APBA2: variants seen among roughly 807,000 people sequenced by gnomAD.
The protein encoded by APBA2 is amyloid beta precursor protein binding family A member 2, also known as amyloid-beta A4 precursor protein-binding family A member 2.
A neutral mutation model predicts 75.0 loss-of-function variants in APBA2; 30 were observed. The ratio of observed to expected loss-of-function variants is 0.40; its 90% confidence interval spans 0.30 to 0.54. The LOEUF is 0.54. Among genes scored for constraint, APBA2 ranks in the 20% least tolerant of loss-of-function variants. APBA2 has a pLI of 0.49. For synonymous variants in APBA2, 444 were observed against 409.6 expected (o/e 1.08, Z -1.01); for missense variants, 801 against 1,016.1 (o/e 0.79, Z 2.88).
intron 6 of APBA2, 121 bp downstream of exon 6, chr15:29,076,212 A>G: frequency 9.2e-7 from 1 of 1,088,966 alleles, no homozygotes; most frequent in Middle Eastern, 2.1e-4. Context: ...ACCTACCAGC[A>G]AGGTGCTTGG....
intron 13 of APBA2, chr15:29,108,619 C>A: frequency 1.6e-6 from 1 of 637,436 alleles, no homozygotes; most frequent in Non-Finnish European, 2.7e-6. Context: ...CCCCTCCAGC[C>A]TTTCCCAGGC....
At chr15:28,922,737 C>T (rs2034040987) in intron 2 of APBA2, among the ~76,000 whole-genome samples, 1 of 152,190 alleles carries the variant, frequency 6.6e-6, no homozygotes, top group Non-Finnish European at 1.5e-5. Flanking sequence ...TGCTCCACAC[C>T]CTCTCTCAGG....
rs1217694586 is a variant in APBA2, at chr15:29,076,100, C to T, written c.1069+9C>T. The T allele has an allele frequency of 6.2e-7, 1 of 1,613,882 alleles. No individual in the cohort carries two copies. The highest frequency in any genetic ancestry group is 2.2e-5 in the East Asian group (1 of 44,890). Reference sequence around the variant, plus strand: ...TCCAAGTTTTGTGGCTGGTAAGTGACTTTGAATTTTATTTCTCAAGGGGCA... The same window carrying T: ...TCCAAGTTTTGTGGCTGGTAAGTGATTTTGAATTTTATTTCTCAAGGGGCA... On this transcript the variant is annotated intron_variant, in intron 6 of 14. Transcript: ENST00000683413.
At chr15:28,904,284 A>G (rs571377834) in intron 1 of APBA2, among the ~76,000 whole-genome samples, 19 of 152,238 alleles carry the variant, frequency 1.2e-4, no homozygotes, top group South Asian at 6.2e-4. Context: ...TGGACGGTAT[A>G]TGAGGAGCAC....
chr15:29,034,851 A>C (rs2040665748), intron 3 of APBA2, among the ~76,000 whole-genome samples: 1 of 152,198 alleles, frequency 6.6e-6, no homozygotes, highest in African/African-American at 2.4e-5. Context: ...CCCAGGTGAC[A>C]CTGATGCTGC....
rs528393107 is a variant in APBA2, at chr15:28,942,908, G to C, written c.-95+21159G>C. ...GTGGCCGCTGGAGCAGCCCCTGAGC[G>C]ACTCTGCTCCTTCCTGGGCCTCGGT... On this transcript the variant is annotated intron_variant, in intron 2 of 14. Transcript: ENST00000683413. Among the ~76,000 whole-genome samples, 3 of 152,320 alleles carry C rather than the reference G, an allele frequency of 2.0e-5. No individual in the cohort carries two copies. The East Asian group carries it at 5.8e-4, about 29-fold the overall frequency.
chr15:28,940,768 G>A (rs747580624), intron 2 of APBA2, among the ~76,000 whole-genome samples: 7 of 152,164 alleles, frequency 4.6e-5, no homozygotes, highest in Non-Finnish European at 8.8e-5. Context: ...GGTTGATACC[G>A]GGTTGGGGGC....
chr15:28,949,001 G>A (rs1307585862), intron 2 of APBA2, among the ~76,000 whole-genome samples: 1 of 152,082 alleles, frequency 6.6e-6, no homozygotes, highest in Non-Finnish European at 1.5e-5. Context: ...GGGTTCAGGG[G>A]CTCTGTGTAA....
chr15:28,971,469 G>A lies in APBA2; in HGVS notation c.-94-24284G>A, dbSNP rs545176961. Among the ~76,000 whole-genome samples the A allele has an allele frequency of 5.3e-5, 8 of 152,324 alleles. No individual in the cohort carries two copies. The East Asian group carries it at 1.2e-3, about 22-fold the overall frequency. ...GGACCGGGCACAGGAGAGTGCAGCA[G>A]CGGCCTGGTCCCACCCTCACTCGGG... On this transcript the variant is annotated intron_variant, in intron 2 of 14. Transcript: ENST00000683413.
At chr15:29,076,017 A>G (rs754720609) in intron 5 of APBA2, 38 bp from the exon 6 acceptor site, 3 of 1,605,240 alleles carry the variant, frequency 1.9e-6, no homozygotes, top group South Asian at 1.1e-5. Context: ...CCTACTTAAC[A>G]ATTGTTATGT....
chr15:29,109,699 G>A (rs746206061), intron 13 of APBA2, among the ~76,000 whole-genome samples: 4 of 152,316 alleles, frequency 2.6e-5, no homozygotes, highest in African/African-American at 4.8e-5. Context: ...TGCCCAGAAC[G>A]AAGAGGGACA....
rs116107237 is a variant in APBA2 at position 29,074,623 on chromosome 15, C to T, written c.952-298C>T. Among the ~76,000 whole-genome samples the T allele has an allele frequency of 4.2e-3, 635 of 152,188 alleles. 6 individuals carry two copies. The highest frequency in any genetic ancestry group is 0.015 in the African/African-American group (619 of 41,504). On this transcript the variant is annotated intron_variant, in intron 4 of 14. Transcript: ENST00000683413. ...TACGACAGTGTGAATGTACTTAGTG[C>T]CACTGAACTGTACACTTAAAAATGG...
At chr15:28,900,312 G>A (rs146878670) in intron 1 of APBA2, among the ~76,000 whole-genome samples, 1 of 152,202 alleles carries the variant, frequency 6.6e-6, no homozygotes, top group Admixed American at 6.5e-5. Flanking sequence ...TGGGCACCGT[G>A]CATCAGCGTC....
At chr15:29,020,129 TTC>T (rs909061613) in intron 3 of APBA2, among the ~76,000 whole-genome samples, 1 of 152,262 alleles carries the variant, frequency 6.6e-6, no homozygotes, top group Non-Finnish European at 1.5e-5. Context: ...ATTCGTCTTT[TTC>T]TTATTGATAT....
intron 1 of APBA2, among the ~76,000 whole-genome samples, chr15:28,909,473 A>G (rs1358390204): frequency 1.3e-5 from 2 of 152,288 alleles, no homozygotes; most frequent in African/African-American, 4.8e-5. Context: ...TACTGCCCCC[A>G]TTGTATGGAT....
At chr15:29,114,681 G>A (rs1271296260) in intron 14 of APBA2, among the ~76,000 whole-genome samples, 1 of 151,776 alleles carries the variant, frequency 6.6e-6, no homozygotes. Context: ...GTAAGTGTGG[G>A]TAGGTGTGGG....
In APBA2 at chr15:29,093,088, C is replaced by T. The variant is rs1216087103; in HGVS notation, c.1083C>T (p.Cys361=). 5.6e-6 allele frequency: 9 copies of T among 1,614,168 alleles called. No homozygotes were observed. In the East Asian group the frequency reaches 6.7e-5, roughly 12 times the overall value. ...FPSFVAVPGP[C]EPEDLIDGII... is the part of the protein sequence containing the mutation. ...GCCCTCCTTCAGTTCCAGGGCCCTG[C>T]GAACCAGAAGACCTCATCGACGGGA... Residue 361 remains cysteine (C), a synonymous_variant, in exon 7 of 15, where the codon TGC becomes TGT. Transcript: ENST00000683413.
At chr15:28,937,643 T>A (rs1055517454) in intron 2 of APBA2, among the ~76,000 whole-genome samples, 6 of 151,992 alleles carry the variant, frequency 3.9e-5, no homozygotes, top group African/African-American at 1.4e-4. Context: ...GGTGTTGGAT[T>A]TAGTTTCTTT....
intron 2 of APBA2, among the ~76,000 whole-genome samples, chr15:28,956,839 T>C (rs955215567): frequency 2.6e-5 from 4 of 152,228 alleles, no homozygotes; most frequent in African/African-American, 9.6e-5. Context: ...ATTTTGTGAC[T>C]GGCATATTTC....
Sources: gnomAD v4.1 joint callset for allele counts (sites outside exome capture counted in the v4.1 genomes callset) on GRCh38, gnomAD v4.1.1 for gene constraint, MANE v1.5 for transcripts, NCBI Gene and HGNC (gene_info 2026-07-23, HGNC 2026-07-21) for gene names.